Variants in MEGF11 observed in about 807,000 individuals in gnomAD.
The protein encoded by MEGF11 is multiple epidermal growth factor-like domains protein 11.
Under a neutral mutation model 146.6 loss-of-function variants are expected in MEGF11, and 126 were observed. The ratio of observed to expected loss-of-function variants is 0.86; its 90% confidence interval spans 0.74 to 1.00. The LOEUF is 1.00. MEGF11 is among the 50% of genes least tolerant of loss of function. The pLI is 0.00. For missense variants in MEGF11, 1,509 were observed against 1,521.2 expected, an observed-to-expected ratio of 0.99 and a Z score of 0.13; for synonymous variants, 532 against 583.4, an observed-to-expected ratio of 0.91 and a Z score of 1.27.
At chr15:66,207,174 A>C (rs750843592) in intron 1 of MEGF11, among the ~76,000 whole-genome samples, 1 of 152,226 alleles carries the variant, frequency 6.6e-6, no homozygotes, top group Non-Finnish European at 1.5e-5. Flanking sequence ...AATTTAATGC[A>C]AAACATTAAT....
chr15:65,982,134 T>C lies in MEGF11; in HGVS notation c.641+108A>G. 1 of 1,224,770 alleles carries C rather than the reference T, an allele frequency of 8.2e-7. No homozygotes were observed. Among genetic ancestry groups the C allele is most frequent in the Non-Finnish European group, 1.1e-6 (1 of 951,440 alleles). The allele number at this position is 1,224,770 out of a possible 1,614,324, so 75.9% of individuals were successfully genotyped here. A position where few individuals can be genotyped will look rare whatever the true frequency, so the allele number is the denominator to read the frequency against. On this transcript the variant is annotated intron_variant, in intron 6 of 25. Transcript: ENST00000395614. This position sits in a 1 kb window ranked among gnomAD's most constrained non-coding sequence, Gnocchi z 5.6. ...GTGCAGCTGCGGTGAGGGCAGCCAC[T>C]CCAGGCCCCGCCCCAGCCCCTCCAC...
intron 13 of MEGF11, among the ~76,000 whole-genome samples, chr15:65,924,109 A>G (rs2079275787): frequency 7.5e-6 from 1 of 134,190 alleles, no homozygotes; most frequent in East Asian, 1.9e-4. Context: ...CAGCCCTACC[A>G]GCAGCAGGAG....
intron 1 of MEGF11, among the ~76,000 whole-genome samples, chr15:66,228,223 GGAAGGCTCTTCA>G (rs2140188563): frequency 6.6e-6 from 1 of 152,226 alleles, no homozygotes; most frequent in South Asian, 2.1e-4. Flanking sequence ...TATCACAGCA[GGAAGGCTCTTCA>G]GAAAACACCA....
intron 5 of MEGF11, among the ~76,000 whole-genome samples, chr15:66,079,244 T>C (rs1488068724): frequency 6.6e-6 from 1 of 152,178 alleles, no homozygotes; most frequent in African/African-American, 2.4e-5. Context: ...TCTGGGATTT[T>C]CTTGGGGGGA....
At chr15:66,160,591 C>T (rs2089915532) in intron 1 of MEGF11, among the ~76,000 whole-genome samples, 1 of 151,786 alleles carries the variant, frequency 6.6e-6, no homozygotes, top group African/African-American at 2.4e-5. Flanking sequence ...TTTCTAATGT[C>T]ATTCATTCAT....
chr15:65,960,128 A>G (rs2080806794), intron 9 of MEGF11, among the ~76,000 whole-genome samples: 1 of 152,260 alleles, frequency 6.6e-6, no homozygotes, highest in African/African-American at 2.4e-5. Context: ...ATGAAAATAT[A>G]TCAAATCTAA....
intron 7 of MEGF11, among the ~76,000 whole-genome samples, chr15:65,978,007 G>T (rs1596943964): frequency 6.6e-6 from 1 of 152,362 alleles, no homozygotes; most frequent in East Asian, 1.9e-4. Flanking sequence ...GCTTCATGTT[G>T]GGCTAGCGGA....
intron 1 of MEGF11, among the ~76,000 whole-genome samples, chr15:66,138,438 C>T (rs1035742571): frequency 1.6e-4 from 25 of 152,172 alleles, no homozygotes; most frequent in Admixed American, 1.5e-3. Context: ...GGATAAAGCA[C>T]GATTTTGTCA....
rs554042402 is a variant in MEGF11, at chr15:65,957,850, C to T, written c.1113-129G>A. The T allele has an allele frequency of 2.6e-3, 2,017 of 790,160 alleles. 3 individuals carry two copies. Among genetic ancestry groups the T allele is most frequent in the Non-Finnish European group, 3.6e-3 (1,781 of 496,740 alleles). 48.9% of individuals were successfully genotyped at this position (790,160 alleles called of 1,614,324 possible). A position where few individuals can be genotyped will look rare whatever the true frequency, so the allele number is the denominator to read the frequency against. Reference sequence around the variant, plus strand: ...AAAGGACCTCTGGGATTAAATTGCTCAATGCCTTTTCTGTTTATCAGAAGA... The same window carrying T: ...AAAGGACCTCTGGGATTAAATTGCTTAATGCCTTTTCTGTTTATCAGAAGA... On this transcript the variant is annotated intron_variant, in intron 9 of 25. Coordinates refer to ENST00000395614, the MANE Select transcript of MEGF11 (RefSeq NM_001385028.1).
intron 8 of MEGF11, among the ~76,000 whole-genome samples, chr15:65,970,267 C>G (rs2081258735): frequency 6.6e-6 from 1 of 152,224 alleles, no homozygotes; most frequent in African/African-American, 2.4e-5. Flanking sequence ...TTGCCTCCCT[C>G]TATGAGTGCA....
chr15:66,114,433 TTGTC>T (rs960792393), intron 4 of MEGF11, among the ~76,000 whole-genome samples: 1 of 152,178 alleles, frequency 6.6e-6, no homozygotes, highest in African/African-American at 2.4e-5. Flanking sequence ...GATTTGGACG[TTGTC>T]TGTTACCGCA....
At chr15:65,999,033 T>C (rs2082281236) in intron 5 of MEGF11, among the ~76,000 whole-genome samples, 1 of 149,244 alleles carries the variant, frequency 6.7e-6, no homozygotes, top group East Asian at 2.0e-4. Context: ...TTGTCCTCCA[T>C]GTGGGTGTCA....
Position 66,047,750 on chromosome 15 carries a change from G to A in MEGF11, c.394+46652C>T, listed in dbSNP as rs907980305. Among the ~76,000 whole-genome samples the A allele has an allele frequency of 6.6e-5, 10 of 152,316 alleles. No individual in the cohort carries two copies. In the South Asian group the frequency reaches 1.2e-3, roughly 19 times the overall value. The stretch of plus-strand genomic sequence containing the variant: ...GCCCAGTGGGCCTGGGGGAGTCTGG[G>A]CCGAGCGGCTCTTGCAACATGCCAG... On this transcript the variant is annotated intron_variant, in intron 5 of 25. Coordinates refer to ENST00000395614, the MANE Select transcript of MEGF11 (RefSeq NM_001385028.1).
intron 5 of MEGF11, among the ~76,000 whole-genome samples, chr15:66,034,400 T>G (rs1487384979): frequency 3.0e-3 from 6 of 1,990 alleles, no homozygotes; most frequent in South Asian, 0.5. Flanking sequence ...GAATGCTGGT[T>G]TTTTTTTTTT....
intron 1 of MEGF11, among the ~76,000 whole-genome samples, chr15:66,208,595 G>A (rs534890316): frequency 2.6e-4 from 40 of 152,332 alleles, no homozygotes; most frequent in African/African-American, 9.6e-4. Flanking sequence ...TTAAAAACAT[G>A]TCCCAGCTGG....
chr15:66,172,532 G>A (rs1318221750), intron 1 of MEGF11, among the ~76,000 whole-genome samples: 1 of 152,130 alleles, frequency 6.6e-6, no homozygotes, highest in South Asian at 2.1e-4. Context: ...GGCTACCACA[G>A]GCTGCCTGTG....
intron 24 of MEGF11, among the ~76,000 whole-genome samples, chr15:65,903,526 C>G (rs2078546084): frequency 6.6e-6 from 1 of 152,076 alleles, no homozygotes; most frequent in Non-Finnish European, 1.5e-5. Context: ...TTAGTACAGC[C>G]CCATCGTTTT....
chr15:65,910,036 G>C (rs2078750687), intron 21 of MEGF11: 1 of 666,104 alleles, frequency 1.5e-6, no homozygotes, highest in Non-Finnish European at 2.8e-6. Context: ...TGAAGTTGTA[G>C]GGTTCCCAGG....
At chr15:66,198,405 C>T (rs964048981) in intron 1 of MEGF11, among the ~76,000 whole-genome samples, 1 of 152,248 alleles carries the variant, frequency 6.6e-6, no homozygotes, top group Non-Finnish European at 1.5e-5. Flanking sequence ...TTGTTTCCTA[C>T]CTTGGTACTT....
Sources: allele counts gnomAD v4.1 joint callset (sites outside exome capture counted in the v4.1 genomes callset), GRCh38; gene constraint gnomAD v4.1.1; non-coding constraint Gnocchi (gnomAD v3.1); transcripts MANE v1.5; gene names NCBI Gene and HGNC (gene_info 2026-07-23, HGNC 2026-07-21).